CNOT11: variants seen among roughly 807,000 people sequenced by gnomAD.
CNOT11 encodes the protein UPF0760 protein C2orf29.
CNOT11 carries 18 observed loss-of-function variants against 44.6 expected under a neutral mutation model. The observed-to-expected ratio is 0.40, with a 90% confidence interval of 0.28 to 0.60. CNOT11 has a LOEUF of 0.60. Ranked by LOEUF, CNOT11 falls within the 20% of genes least tolerant of loss-of-function variation. The pLI is 0.38. For synonymous variants in CNOT11, 291 were observed against 270.9 expected (o/e 1.07, Z -0.73); for missense variants, 513 against 677.0 (o/e 0.76, Z 2.69).
chr2:101,266,946 T>C, intron 5 of CNOT11, 67 bp downstream of exon 5: 4 of 1,186,342 alleles, frequency 3.4e-6, no homozygotes, highest in Non-Finnish European at 5.0e-6. Context: ...AAAGAAAAAT[T>C]GTAACAGATT....
chr2:101,264,818 G>T, intron 3 of CNOT11, 27 bp from the exon 4 acceptor site: 2 of 1,580,448 alleles, frequency 1.3e-6, no homozygotes, highest in South Asian at 1.1e-5. Context: ...TTCCTGATAG[G>T]AGCAACTATC....
intron 4 of CNOT11, among the ~76,000 whole-genome samples, 174 bp downstream of exon 4, chr2:101,265,221 G>A (rs562794588): frequency 4.6e-5 from 7 of 152,026 alleles, no homozygotes; most frequent in South Asian, 2.1e-4. Flanking sequence ...GTGCCTCAGC[G>A]CCCCCAGCAG....
At position 101,253,400 on chromosome 2, in the gene CNOT11, G is replaced by A. The variant is rs1558765625; in HGVS notation, c.436G>A (p.Ala146Thr). Residue 146 changes from alanine (A) to threonine (T), a missense_variant, in exon 1 of 7, where the codon GCC becomes ACC. By Grantham distance (58) the Ala-to-Thr change is moderately conservative. Around this residue, in one of 4 missense-constraint regions of CNOT11, gnomAD observed 259 missense variants for 265.7 expected, o/e 0.97. Transcript: ENST00000289382. This position sits in a 1 kb window ranked among gnomAD's most constrained non-coding sequence, Gnocchi z 4.3. The part of the protein sequence containing the change: ...RTEPLAANPF[A>T]ASFAHLLNPA... ...CGAGCCGCTGGCCGCCAACCCCTTC[G>A]CCGCCAGCTTCGCGCACCTGCTCAA... is the stretch of plus-strand genomic sequence containing the variant. The A allele has an allele frequency of 6.3e-7, 1 of 1,588,650 alleles. No individual in the cohort carries two copies.
chr2:101,263,118 G>A (rs1268096383), intron 3 of CNOT11, among the ~76,000 whole-genome samples: 1 of 152,040 alleles, frequency 6.6e-6, no homozygotes, highest in Non-Finnish European at 1.5e-5. Flanking sequence ...CTACTTGGGA[G>A]GCTGAGTCAG....
At position 101,269,428 on chromosome 2, in the gene CNOT11, C is replaced by A; in HGVS notation, c.*15C>A. 1 of 1,606,272 alleles carries A rather than the reference C, an allele frequency of 6.2e-7. No homozygotes were observed. Among genetic ancestry groups the A allele is most frequent in the South Asian group, 1.1e-5 (1 of 90,884 alleles). On this transcript the variant is annotated 3_prime_UTR_variant, in exon 7 of 7. Transcript: ENST00000289382. This position sits in a 1 kb window ranked among gnomAD's most constrained non-coding sequence, Gnocchi z 4.8. ...TGTCAAAATAATACCTCATCAGAAC[C>A]ATCCCATCCATTCACTGTTCAGCTG...
chr2:101,265,806 C>T (rs776272643), intron 4 of CNOT11, among the ~76,000 whole-genome samples: 97 of 152,132 alleles, frequency 6.4e-4, no homozygotes, highest in Non-Finnish European at 1.1e-3. Flanking sequence ...ATTAAAGTAG[C>T]CCCCACTGCC....
At chr2:101,260,930 A>G (rs984540348) in intron 2 of CNOT11, among the ~76,000 whole-genome samples, 2 of 151,824 alleles carry the variant, frequency 1.3e-5, no homozygotes, top group Non-Finnish European at 2.9e-5. Context: ...TTTAGTGAGC[A>G]TTTCTCCTAG....
Position 101,266,729 on chromosome 2 carries a change from C to T in CNOT11, c.1088C>T (p.Thr363Ile). 1 of 1,614,118 alleles carries T rather than the reference C, an allele frequency of 6.2e-7. No homozygotes were observed. The highest frequency in any genetic ancestry group is 8.5e-7 in the Non-Finnish European group (1 of 1,179,996). Reference protein sequence around the residue: ...DPKLVYHIGLTPAKLPDLVEN... With the variant: ...DPKLVYHIGLIPAKLPDLVEN... ...AAACTTGTCTACCATATTGGCCTCA[C>T]CCCAGCCAAACTTCCTGACCTTGTG... The change falls in exon 5 of 7, where the codon ACC becomes ATC. Residue 363 changes from threonine to isoleucine, a missense_variant. By Grantham distance (89) the Thr-to-Ile change is moderately conservative. Coordinates refer to ENST00000289382, the MANE Select transcript of CNOT11 (RefSeq NM_017546.5).
chr2:101,263,894 G>C (rs956722557), intron 3 of CNOT11, among the ~76,000 whole-genome samples: 4 of 152,216 alleles, frequency 2.6e-5, no homozygotes, highest in Admixed American at 1.3e-4. Context: ...CACCTCGCAA[G>C]AACTCTCTAT....
chr2:101,261,745 G>A (rs1681867095), intron 2 of CNOT11, among the ~76,000 whole-genome samples: 1 of 151,558 alleles, frequency 6.6e-6, no homozygotes, highest in African/African-American at 2.4e-5. Flanking sequence ...TTCCTAATGG[G>A]ATTAAATATC....
chr2:101,257,921 T>A lies in CNOT11; in HGVS notation c.645T>A (p.Ser215=). 1 of 1,614,004 alleles carries A rather than the reference T, an allele frequency of 6.2e-7. No homozygotes were observed. The highest frequency in any genetic ancestry group is 8.5e-7 in the Non-Finnish European group (1 of 1,179,914). ...ALMDVGNMGQ[S]VDISGLQLAL... ...TGGACGTTGGAAACATGGGCCAGTC[T>A]GTGGACATTAGTGGGCTTCAGTTAG... The change falls in exon 2 of 7, where the codon TCT becomes TCA. Residue 215 remains serine, a synonymous_variant. Transcript: ENST00000289382.
intron 4 of CNOT11, 28 bp downstream of exon 4, chr2:101,265,075 A>AT (rs1427737193): frequency 2.8e-6 from 4 of 1,411,714 alleles, no homozygotes; most frequent in Middle Eastern, 1.9e-4. Context: ...GCATTTTCTT[A>AT]TCTTTTTTTT....
At chr2:101,265,644 T>C (rs1681965022) in intron 4 of CNOT11, among the ~76,000 whole-genome samples, 1 of 152,170 alleles carries the variant, frequency 6.6e-6, no homozygotes, top group Non-Finnish European at 1.5e-5. Context: ...GTGTCACTGC[T>C]GTGTACAGTG....
chr2:101,257,966 A>G lies in CNOT11; in HGVS notation c.679+11A>G. 2 of 1,608,332 alleles carry G rather than the reference A, an allele frequency of 1.2e-6. No individual in the cohort carries two copies. Among genetic ancestry groups the G allele is most frequent in the Non-Finnish European group, 8.5e-7 (1 of 1,176,638 alleles). On this transcript the variant is annotated intron_variant, in intron 2 of 6. Coordinates refer to ENST00000289382, the MANE Select transcript of CNOT11 (RefSeq NM_017546.5). ...AGTTAGCCTTGGCCGGTAAGGAGGA[A>G]TCAGTGTTTTGGGCATTTCTGTGTG... is the stretch of plus-strand genomic sequence containing the variant.
chr2:101,257,807 A>G lies in CNOT11; in HGVS notation c.531A>G (p.Ile177Met), dbSNP rs193285793. 82 of 1,613,526 alleles carry G rather than the reference A, an allele frequency of 5.1e-5. No individual in the cohort carries two copies. The highest frequency in any genetic ancestry group is 1.8e-4 in the Admixed American group (11 of 59,876). ...TGTTTGCAGGATTTTTACCTCCTAT[A>G]ACTCCACCAGAAAAGTTTTTTCTTT... is the stretch of plus-strand genomic sequence containing the variant. ...RPPLSGFLPPITPPEKFFLSQ... is the reference protein window; with the variant it reads ...RPPLSGFLPPMTPPEKFFLSQ... The change falls in exon 2 of 7, where the codon ATA (isoleucine) becomes ATG (methionine). Residue 177 changes from isoleucine (I) to methionine (M), a missense_variant. Ile to Met is a conservative substitution (Grantham distance 10, BLOSUM62 1). Transcript: ENST00000289382.
chr2:101,264,211 A>G (rs1166805773), intron 3 of CNOT11, among the ~76,000 whole-genome samples: 7 of 152,172 alleles, frequency 4.6e-5, no homozygotes, highest in East Asian at 1.9e-4. Context: ...TCAGGGATGA[A>G]TCTTGTTTTA....
Position 101,253,402 on chromosome 2 carries a change from C to T in CNOT11, c.438C>T (p.Ala146=), listed in dbSNP as rs566955806. The change falls in exon 1 of 7, where the codon GCC becomes GCT. Residue 146 remains alanine (A), a synonymous_variant. Transcript: ENST00000289382. The surrounding 1 kb of genome is among the most constrained non-coding windows in gnomAD (Gnocchi z 4.3). ...AGCCGCTGGCCGCCAACCCCTTCGC[C>T]GCCAGCTTCGCGCACCTGCTCAACC... The part of the protein sequence containing the change: ...RTEPLAANPF[A]ASFAHLLNPA... 6 of 1,588,506 alleles carry T rather than the reference C, an allele frequency of 3.8e-6. No homozygotes were observed. The highest frequency in any genetic ancestry group is 1.7e-4 in the Middle Eastern group (1 of 6,020).
Position 101,269,194 on chromosome 2 carries a change from A to AT in CNOT11, c.1336-11dup, listed in dbSNP as rs759153224. ...CTGCCAGGAAAATGAGCAGACTAAC[A>AT]TTTTTTTTTTTCCTTTTTCAGAATC... is the stretch of plus-strand genomic sequence containing the variant. On this transcript the variant is annotated intron_variant, in intron 6 of 6. Transcript: ENST00000289382. This position sits in a 1 kb window ranked among gnomAD's most constrained non-coding sequence, Gnocchi z 4.8. 12,121 of 1,099,980 alleles carry AT rather than the reference A, an allele frequency of 0.011. No homozygotes were observed. The highest frequency in any genetic ancestry group is 0.013 in the South Asian group (770 of 58,784). 68.1% of individuals were successfully genotyped at this position (1,099,980 alleles called of 1,614,324 possible).
At chr2:101,262,738 C>G (rs1243731079) in intron 3 of CNOT11, 47 bp downstream of exon 3, 1 of 1,522,554 alleles carries the variant, frequency 6.6e-7, no homozygotes, top group Non-Finnish European at 9.0e-7. Flanking sequence ...ATTCTGTCAG[C>G]AGGATCCTCT....
Sources: gnomAD v4.1 joint callset for allele counts (sites outside exome capture counted in the v4.1 genomes callset) on GRCh38, gnomAD v4.1.1 for gene constraint, gnomAD v4.1.1 regional missense constraint, Gnocchi (gnomAD v3.1) non-coding constraint, MANE v1.5 for transcripts, NCBI Gene and HGNC (gene_info 2026-07-23, HGNC 2026-07-21) for gene names.